The following STAG1 variants were observed in gnomAD, a reference collection of about 807,000 sequenced individuals.
STAG1 encodes the protein cohesin subunit SA-1.
STAG1 carries 26 observed loss-of-function variants against 170.9 expected under a neutral mutation model. The observed-to-expected ratio is 0.15, with a 90% CI of 0.11 to 0.21. The LOEUF (loss-of-function observed/expected upper bound fraction) is 0.21. Among genes scored for constraint, STAG1 ranks in the 10% least tolerant of loss-of-function variants. The pLI is 1.00. For synonymous variants in STAG1, 514 were observed against 497.7 expected (o/e 1.03, Z -0.44); for missense variants, 964 against 1,509.5 (o/e 0.64, Z 5.99).
At chr3:136,468,872 C>A (rs1390071980) in intron 12 of STAG1, among the ~76,000 whole-genome samples, 1 of 152,044 alleles carries the variant, frequency 6.6e-6, no homozygotes, top group African/African-American at 2.4e-5. Context: ...ATGAACAGAA[C>A]CAAAGACAAA....
intron 3 of STAG1, among the ~76,000 whole-genome samples, chr3:136,612,081 T>C (rs770630300): frequency 2.0e-5 from 3 of 151,848 alleles, no homozygotes; most frequent in Non-Finnish European, 4.4e-5. Flanking sequence ...TCTCCTGACC[T>C]TGTGATCTGC....
chr3:136,459,864 A>C (rs1376112369), intron 13 of STAG1, among the ~76,000 whole-genome samples: 2 of 152,160 alleles, frequency 1.3e-5, no homozygotes, highest in African/African-American at 4.8e-5. Context: ...AGCAGTTCTA[A>C]AGGAAAGTTT....
chr3:136,515,701 T>C (rs1025043696), intron 7 of STAG1, among the ~76,000 whole-genome samples: 3 of 152,002 alleles, frequency 2.0e-5, no homozygotes, highest in African/African-American at 7.2e-5. Flanking sequence ...TAAAAGACAA[T>C]AATACTAAGA....
intron 1 of STAG1, among the ~76,000 whole-genome samples, chr3:136,681,263 T>G (rs1942324697): frequency 6.6e-6 from 1 of 152,212 alleles, no homozygotes; most frequent in African/African-American, 2.4e-5. Context: ...AATCAATCTG[T>G]GAATTACATT....
chr3:136,339,119 A>G (rs1241047342), intron 32 of STAG1, among the ~76,000 whole-genome samples: 1 of 152,142 alleles, frequency 6.6e-6, no homozygotes, highest in Non-Finnish European at 1.5e-5. Context: ...TAAGAAGAGG[A>G]GAGACACATA....
chr3:136,595,763 T>TA (rs112997231), intron 4 of STAG1, among the ~76,000 whole-genome samples: 168 of 143,290 alleles, frequency 1.2e-3, no homozygotes, highest in East Asian at 1.4e-3. Flanking sequence ...GATCAGTGTT[T>TA]AAAAAAAAAA....
At chr3:136,504,265 G>GT (rs1933643887) in intron 7 of STAG1, among the ~76,000 whole-genome samples, 1 of 152,064 alleles carries the variant, frequency 6.6e-6, no homozygotes, top group Non-Finnish European at 1.5e-5. Flanking sequence ...AAACAAACGT[G>GT]TTTAAGTTAG....
chr3:136,463,650 G>A (rs1248533399), intron 13 of STAG1, among the ~76,000 whole-genome samples: 2 of 150,526 alleles, frequency 1.3e-5, no homozygotes, highest in Admixed American at 6.6e-5. Context: ...GGCTGAGGTG[G>A]GAGGATCACT....
At chr3:136,742,831 A>G (rs191569512) in intron 1 of STAG1, among the ~76,000 whole-genome samples, 318 of 152,318 alleles carry the variant, frequency 2.1e-3, no homozygotes, top group African/African-American at 6.9e-3. Context: ...AAAACACATC[A>G]AAGTCTGAGT....
At chr3:136,465,505 G>A (rs2089427481) in intron 12 of STAG1, among the ~76,000 whole-genome samples, 1 of 125,178 alleles carries the variant, frequency 8.0e-6, no homozygotes, top group Non-Finnish European at 1.6e-5. Flanking sequence ...ATAGGTGTGA[G>A]TCACTGTGCC....
chr3:136,739,951 GGATA>G (rs1186404629), intron 1 of STAG1, among the ~76,000 whole-genome samples: 6 of 152,084 alleles, frequency 3.9e-5, no homozygotes, highest in African/African-American at 1.2e-4. Context: ...AAATGCAACG[GGATA>G]GATACAGAGG....
At chr3:136,596,108 C>T (rs886079444) in intron 4 of STAG1, among the ~76,000 whole-genome samples, 3 of 152,188 alleles carry the variant, frequency 2.0e-5, no homozygotes, top group East Asian at 1.9e-4. Flanking sequence ...CTGAATATTA[C>T]ATAAATTTAT....
At chr3:136,628,740 C>G (rs1320533667) in intron 2 of STAG1, among the ~76,000 whole-genome samples, 2 of 152,218 alleles carry the variant, frequency 1.3e-5, no homozygotes, top group Non-Finnish European at 2.9e-5. Flanking sequence ...ACTTTACAAG[C>G]TTCTTTGCAA....
At chr3:136,741,897 TG>T (rs1431206293) in intron 1 of STAG1, among the ~76,000 whole-genome samples, 1 of 152,014 alleles carries the variant, frequency 6.6e-6, no homozygotes, top group African/African-American at 2.4e-5. Flanking sequence ...ATCGCTGGAG[TG>T]GCTATATTAA....
At chr3:136,487,287 T>C (rs1244477444) in intron 9 of STAG1, among the ~76,000 whole-genome samples, 3 of 152,228 alleles carry the variant, frequency 2.0e-5, no homozygotes, top group Non-Finnish European at 4.4e-5. Flanking sequence ...GCTTCATCCA[T>C]GTCCTTGGAA....
chr3:136,420,471 T>G (rs2107726749), intron 20 of STAG1, among the ~76,000 whole-genome samples: 1 of 152,150 alleles, frequency 6.6e-6, no homozygotes, highest in East Asian at 1.9e-4. Context: ...GTGCTGGGAT[T>G]ATAAGGTGTG....
chr3:136,494,177 A>G (rs112397659), intron 9 of STAG1, among the ~76,000 whole-genome samples: 7 of 152,162 alleles, frequency 4.6e-5, no homozygotes, highest in African/African-American at 1.4e-4. Context: ...GAGCTGAGGC[A>G]GGAGGACTGC....
At chr3:136,526,571 A>G (rs1935044196) in intron 6 of STAG1, among the ~76,000 whole-genome samples, 1 of 152,292 alleles carries the variant, frequency 6.6e-6, no homozygotes, top group Admixed American at 6.5e-5. Flanking sequence ...TGTGTCTTTT[A>G]ATTGGAGCAT....
chr3:136,727,264 A>T (rs1933741081), intron 1 of STAG1, among the ~76,000 whole-genome samples: 1 of 152,136 alleles, frequency 6.6e-6, no homozygotes, highest in Admixed American at 6.5e-5. Flanking sequence ...AGCAGTGATA[A>T]TCCCAGCACC....
Sources: allele counts gnomAD v4.1 joint callset (sites outside exome capture counted in the v4.1 genomes callset), GRCh38; gene constraint gnomAD v4.1.1; transcripts MANE v1.5; gene names NCBI Gene and HGNC (gene_info 2026-07-23, HGNC 2026-07-21).